Variants in SGIP1 observed in about 807,000 individuals in gnomAD.
SGIP1 encodes SH3GL interacting endocytic adaptor 1.
In SGIP1, 38 loss-of-function variants were observed where a neutral mutation model predicts 107.5. That is an observed-to-expected ratio of 0.35 (90% CI 0.27 to 0.46). The LOEUF is 0.46. Ranked by LOEUF, SGIP1 falls within the 20% of genes least tolerant of loss-of-function variation. The pLI is 1.00. For synonymous variants in SGIP1, 365 were observed against 366.1 expected, an observed-to-expected ratio of 1.00 and a Z score of 0.03; for missense variants, 929 against 1,019.5, an observed-to-expected ratio of 0.91 and a Z score of 1.21.
chr1:66,575,601 C>T (rs1370775526), intron 1 of SGIP1, among the ~76,000 whole-genome samples: 1 of 152,100 alleles, frequency 6.6e-6, no homozygotes, highest in Non-Finnish European at 1.5e-5. Flanking sequence ...GTCATGCTGG[C>T]CCACTGGGGT....
At chr1:66,685,402 C>T (rs72920316) in intron 15 of SGIP1, among the ~76,000 whole-genome samples, 1 of 152,294 alleles carries the variant, frequency 6.6e-6, no homozygotes, top group African/African-American at 2.4e-5. Flanking sequence ...TTGGCCAGAA[C>T]AGTACTTTAC....
intron 3 of SGIP1, among the ~76,000 whole-genome samples, chr1:66,633,720 G>C (rs1297673302): frequency 6.6e-6 from 1 of 151,996 alleles, no homozygotes; most frequent in Non-Finnish European, 1.5e-5. Context: ...TTGTGCTTAC[G>C]GGAGTCTGCA....
At chr1:66,588,156 G>A (rs2062936715) in intron 1 of SGIP1, among the ~76,000 whole-genome samples, 1 of 152,126 alleles carries the variant, frequency 6.6e-6, no homozygotes, top group Non-Finnish European at 1.5e-5. Flanking sequence ...TAAACTTCCA[G>A]TGGGGCCATG....
chr1:66,612,471 A>T (rs190287741), intron 1 of SGIP1, among the ~76,000 whole-genome samples: 1 of 152,358 alleles, frequency 6.6e-6, no homozygotes, highest in East Asian at 1.9e-4. Context: ...GAAGAGAAAG[A>T]CCTTACCATT....
chr1:66,590,318 C>T (rs1166185025), intron 1 of SGIP1, among the ~76,000 whole-genome samples: 1 of 152,130 alleles, frequency 6.6e-6, no homozygotes, highest in African/African-American at 2.4e-5. Flanking sequence ...AGAATCTACC[C>T]ACATCTGTTT....
In SGIP1 at chr1:66,643,885, G is replaced by A. The variant is rs560691302; in HGVS notation, c.459+166G>A. ...AAGCTCATTCTAGCTTGAGAAAATT[G>A]TACTTATTTTATATTGCAGTCCTTG... is the stretch of plus-strand genomic sequence containing the variant. On this transcript the variant is annotated intron_variant, in intron 7 of 24. Coordinates refer to ENST00000371037, the MANE Select transcript of SGIP1 (RefSeq NM_032291.4). 449 of 537,388 alleles carry A rather than the reference G, an allele frequency of 8.4e-4. 3 individuals are homozygous for A. The highest frequency in any genetic ancestry group is 3.8e-4 in the Non-Finnish European group (131 of 342,918). 33.3% of individuals were successfully genotyped at this position (537,388 alleles called of 1,614,324 possible). A position where few individuals can be genotyped will look rare whatever the true frequency, so the allele number is the denominator to read the frequency against.
At chr1:66,584,669 T>C (rs956038218) in intron 1 of SGIP1, among the ~76,000 whole-genome samples, 1 of 152,202 alleles carries the variant, frequency 6.6e-6, no homozygotes, top group Admixed American at 6.5e-5. Flanking sequence ...TAGGGATATC[T>C]GAAACTTGAC....
intron 1 of SGIP1, among the ~76,000 whole-genome samples, chr1:66,546,806 C>T (rs1219741108): frequency 2.0e-5 from 3 of 152,142 alleles, no homozygotes; most frequent in Non-Finnish European, 2.9e-5. Context: ...TATCTCCTGG[C>T]ACCTTTCTTT....
chr1:66,578,773 G>T (rs1302425940), intron 1 of SGIP1, among the ~76,000 whole-genome samples: 1 of 152,122 alleles, frequency 6.6e-6, no homozygotes, highest in Non-Finnish European at 1.5e-5. Flanking sequence ...CCAGGTTCAA[G>T]GGATTCTCCT....
At chr1:66,732,749 C>T (rs1197106460) in intron 20 of SGIP1, among the ~76,000 whole-genome samples, 4 of 150,368 alleles carry the variant, frequency 2.7e-5, no homozygotes, top group African/African-American at 7.3e-5. Flanking sequence ...TTTTTTTTAA[C>T]AAGTTTGCTC....
In SGIP1 at chr1:66,589,212, A is replaced by ATGTGTGTGTGTGTGTGTGTGTG. The variant is rs1203908242; in HGVS notation, c.11-36634_11-36633insGTGTGTGTGTGTGTGTGTGTGT. On this transcript the variant is annotated intron_variant, in intron 1 of 24. Transcript: ENST00000371037. ...TATATATATATATATATATATATAT[A>ATGTGTGTGTGTGTGTGTGTGTG]TATATGTAAGGCTTGGGGTAAAGAG... 3.9e-4 allele frequency among the ~76,000 whole-genome samples: 35 copies of ATGTGTGTGTGTGTGTGTGTGTG among 89,792 alleles called. 2 individuals are homozygous for ATGTGTGTGTGTGTGTGTGTGTG. The highest frequency in any genetic ancestry group is 5.7e-3 in the Middle Eastern group (1 of 176). 58.9% of individuals were successfully genotyped at this position (89,792 alleles called of 152,430 possible).
chr1:66,659,956 AAGAAAGAAAGAAAGAAAG>A (rs1557495659), intron 7 of SGIP1, among the ~76,000 whole-genome samples: 2 of 30,064 alleles, frequency 6.7e-5, no homozygotes, highest in African/African-American at 3.2e-4. Context: ...AAGAAAAAGA[AAGAAAGAAAGAAAGAAAG>A]AAAGAAAGAA....
chr1:66,665,438 G>A (rs1357963270), intron 8 of SGIP1, among the ~76,000 whole-genome samples: 2 of 152,326 alleles, frequency 1.3e-5, no homozygotes, highest in Non-Finnish European at 2.9e-5. Flanking sequence ...ACATACGTGT[G>A]CATGTGTCTT....
chr1:66,559,972 C>T lies in SGIP1; in HGVS notation c.10+25604C>T, dbSNP rs376680426. On this transcript the variant is annotated intron_variant, in intron 1 of 24. Transcript: ENST00000371037. ...ATTAGGCTGGAAAGAGGAAATTTCTCATAACTGAGGGGAGAGAGAATAGGT... is the reference window on the plus strand; with the variant it reads ...ATTAGGCTGGAAAGAGGAAATTTCTTATAACTGAGGGGAGAGAGAATAGGT... 6.6e-5 allele frequency among the ~76,000 whole-genome samples: 10 copies of T among 152,036 alleles called. No homozygotes were observed. The East Asian group carries it at 1.4e-3, about 21-fold the overall frequency.
intron 1 of SGIP1, among the ~76,000 whole-genome samples, chr1:66,618,147 A>G (rs1232723155): frequency 4.6e-5 from 7 of 152,226 alleles, no homozygotes. Flanking sequence ...TTTTTATGAT[A>G]CATGTTTTGA....
At chr1:66,712,424 C>A (rs993591419) in intron 18 of SGIP1, among the ~76,000 whole-genome samples, 1 of 152,146 alleles carries the variant, frequency 6.6e-6, no homozygotes, top group Non-Finnish European at 1.5e-5. Context: ...CCTGCCCGAA[C>A]GCAGGCTTGC....
In SGIP1 at chr1:66,680,527, G is replaced by A. The variant is rs191787831; in HGVS notation, c.814+775G>A. Among the ~76,000 whole-genome samples, 17 of 152,166 alleles carry A rather than the reference G, an allele frequency of 1.1e-4. No individual in the cohort carries two copies. The East Asian group carries it at 3.1e-3, about 28-fold the overall frequency. On this transcript the variant is annotated intron_variant, in intron 14 of 24. Transcript: ENST00000371037. ...TGGTGAGTTTGATAGCTGCAGAGTGGGGCATTCATCAACAAAAGCAAAAGC... is the reference window on the plus strand; with the variant it reads ...TGGTGAGTTTGATAGCTGCAGAGTGAGGCATTCATCAACAAAAGCAAAAGC...
chr1:66,662,061 G>A (rs1190131601), intron 8 of SGIP1, among the ~76,000 whole-genome samples: 2 of 151,976 alleles, frequency 1.3e-5, no homozygotes, highest in African/African-American at 2.4e-5. Context: ...ATATGTAGTC[G>A]ACCCAAGTTT....
chr1:66,640,116 G>A (rs1436180207), intron 5 of SGIP1, among the ~76,000 whole-genome samples: 2 of 152,090 alleles, frequency 1.3e-5, no homozygotes, highest in Non-Finnish European at 2.9e-5. Context: ...GGCCCAAGAC[G>A]ATTCTTCTTC....
Sources: allele counts gnomAD v4.1 joint callset (sites outside exome capture counted in the v4.1 genomes callset), GRCh38; gene constraint gnomAD v4.1.1; transcripts MANE v1.5; gene names NCBI Gene and HGNC (gene_info 2026-07-23, HGNC 2026-07-21).